MTX2: variants seen among roughly 807,000 people sequenced by gnomAD.
MTX2 encodes the protein metaxin 2.
Under a neutral mutation model 42.3 loss-of-function variants are expected in MTX2, and 35 were observed. That is an observed-to-expected ratio of 0.83 (90% CI 0.63 to 1.10). The LOEUF (loss-of-function observed/expected upper bound fraction) is 1.10, where lower values mean the gene tolerates loss of function less well. Among genes scored for constraint, MTX2 ranks in the 50% least tolerant of loss-of-function variants. The probability of loss-of-function intolerance (pLI) is 0.00; values close to 1 mark genes in which losing one functional copy is unlikely to be tolerated. For synonymous variants in MTX2, 119 were observed against 100.9 expected (o/e 1.18, Z -1.08); for missense variants, 307 against 304.1 (o/e 1.01, Z -0.07).
At chr2:176,298,844 A>C (rs1683955550) in intron 3 of MTX2, among the ~76,000 whole-genome samples, 1 of 152,106 alleles carries the variant, frequency 6.6e-6, no homozygotes, top group African/African-American at 2.4e-5. Flanking sequence ...ACCCTTTTAA[A>C]ATTGCTATTT....
chr2:176,326,137 G>C (rs1014600781), intron 4 of MTX2, among the ~76,000 whole-genome samples: 16 of 151,696 alleles, frequency 1.1e-4, no homozygotes, highest in African/African-American at 3.6e-4. Context: ...CCAAGTATTA[G>C]TATTTGTTAA....
chr2:176,289,042 G>T (rs914550936), intron 1 of MTX2, among the ~76,000 whole-genome samples: 1 of 151,848 alleles, frequency 6.6e-6, no homozygotes, highest in Non-Finnish European at 1.5e-5. Flanking sequence ...AGAGACTTAC[G>T]GGTATACTTA....
intron 3 of MTX2, among the ~76,000 whole-genome samples, chr2:176,303,479 T>A (rs1194692784): frequency 1.3e-5 from 2 of 152,112 alleles, no homozygotes; most frequent in Non-Finnish European, 1.5e-5. Flanking sequence ...TTCTTTGATA[T>A]CACTGAGTTT....
At position 176,320,458 on chromosome 2, in the gene MTX2, A is replaced by C. The variant is rs146813959; in HGVS notation, c.136-2934A>C. Reference sequence around the variant, plus strand: ...AGAAGATATATTAAACAGTTATTTCAAACTCTTTTTTGTTCTACTGAAGGC... The same window carrying C: ...AGAAGATATATTAAACAGTTATTTCCAACTCTTTTTTGTTCTACTGAAGGC... On this transcript the variant is annotated intron_variant, in intron 3 of 9. Coordinates refer to ENST00000249442, the MANE Select transcript of MTX2 (RefSeq NM_006554.5). Among the ~76,000 whole-genome samples, 265 of 152,248 alleles carry C rather than the reference A, an allele frequency of 1.7e-3. 2 individuals are homozygous for C. Among genetic ancestry groups the C allele is most frequent in the African/African-American group, 5.8e-3 (241 of 41,568 alleles).
At chr2:176,320,697 T>TC in intron 3 of MTX2, among the ~76,000 whole-genome samples, 1 of 34,400 alleles carries the variant, frequency 2.9e-5, no homozygotes, top group East Asian at 5.8e-4. Flanking sequence ...TACTTATTCT[T>TC]TTTTTTTTTT....
chr2:176,307,876 T>C (rs1684191624), intron 3 of MTX2, among the ~76,000 whole-genome samples: 1 of 152,272 alleles, frequency 6.6e-6, no homozygotes, highest in South Asian at 2.1e-4. Flanking sequence ...ATTTCTTAAT[T>C]GAATACCCTT....
At chr2:176,269,772 T>C (rs1014812064) in intron 1 of MTX2, 103 bp downstream of exon 1, 2 of 1,360,744 alleles carry the variant, frequency 1.5e-6, no homozygotes, top group Non-Finnish European at 2.0e-6. Flanking sequence ...CATTATACGC[T>C]GAACCCGGCC....
At chr2:176,305,905 A>G (rs893087954) in intron 3 of MTX2, among the ~76,000 whole-genome samples, 6 of 152,012 alleles carry the variant, frequency 3.9e-5, no homozygotes, top group African/African-American at 9.7e-5. Flanking sequence ...TCTGATTTCT[A>G]CATAGATCAT....
At chr2:176,272,708 A>G (rs1447096575) in intron 1 of MTX2, among the ~76,000 whole-genome samples, 2 of 152,190 alleles carry the variant, frequency 1.3e-5, no homozygotes, top group African/African-American at 4.8e-5. Context: ...CTATATAAAC[A>G]TACATATGTT....
intron 1 of MTX2, among the ~76,000 whole-genome samples, chr2:176,275,622 C>CT (rs1245543129): frequency 2.6e-5 from 4 of 151,986 alleles, no homozygotes; most frequent in Non-Finnish European, 4.4e-5. Flanking sequence ...TTTGTTTTCA[C>CT]TTTTTTTAAT....
At chr2:176,274,773 CACTTAGGAT>C (rs986859942) in intron 1 of MTX2, among the ~76,000 whole-genome samples, 16 of 152,268 alleles carry the variant, frequency 1.1e-4, no homozygotes, top group Admixed American at 1.0e-3. Flanking sequence ...AAAATCAGGC[CACTTAGGAT>C]ACTCTCCCTT....
chr2:176,270,324 C>T (rs1298587700), intron 1 of MTX2: 2 of 1,338,724 alleles, frequency 1.5e-6, no homozygotes, highest in South Asian at 1.2e-5. Flanking sequence ...GCGCCCGCCA[C>T]CACGCCCGCG....
At chr2:176,333,048 AG>A (rs996073759) in intron 9 of MTX2, among the ~76,000 whole-genome samples, 1 of 151,512 alleles carries the variant, frequency 6.6e-6, no homozygotes, top group African/African-American at 2.4e-5. Flanking sequence ...ATGAAAAAAT[AG>A]TAGATAACCA....
intron 1 of MTX2, among the ~76,000 whole-genome samples, chr2:176,273,467 C>G (rs1213735278): frequency 6.6e-6 from 1 of 152,066 alleles, no homozygotes; most frequent in Non-Finnish European, 1.5e-5. Flanking sequence ...GTTGAGAGCT[C>G]TAATTTTTAG....
chr2:176,314,047 C>CT (rs200155670), intron 3 of MTX2, among the ~76,000 whole-genome samples: 3,697 of 148,806 alleles, frequency 0.025, 129 homozygotes, highest in African/African-American at 0.083. Context: ...ATTGCTTCTT[C>CT]TTTTTTTTTT....
chr2:176,310,831 T>C (rs935647528), intron 3 of MTX2, among the ~76,000 whole-genome samples: 6 of 152,208 alleles, frequency 3.9e-5, no homozygotes, highest in Non-Finnish European at 7.3e-5. Context: ...GCTTCCTTGC[T>C]ATGGGTTTGA....
chr2:176,329,180 A>AT lies in MTX2; in HGVS notation c.418-114dup, dbSNP rs1156276666. 35 of 1,213,130 alleles carry AT rather than the reference A, an allele frequency of 2.9e-5. No homozygotes were observed. The South Asian group carries it at 4.8e-4, about 16-fold the overall frequency. The allele number at this position is 1,213,130 out of a possible 1,614,324, so 75.1% of individuals were successfully genotyped here. ...TAATTTTTTAGATTGCAGGATGTGT[A>AT]TTTTTTTCAGATTGCTCTATTTATG... is the stretch of plus-strand genomic sequence containing the variant. On this transcript the variant is annotated intron_variant, in intron 7 of 9. Coordinates refer to ENST00000249442, the MANE Select transcript of MTX2 (RefSeq NM_006554.5).
At chr2:176,330,090 T>C (rs1454276107) in intron 8 of MTX2, among the ~76,000 whole-genome samples, 2 of 151,034 alleles carry the variant, frequency 1.3e-5, no homozygotes, top group African/African-American at 4.8e-5. Flanking sequence ...AGTAAATGAA[T>C]AGGGATAGAA....
intron 1 of MTX2, among the ~76,000 whole-genome samples, chr2:176,278,300 C>G (rs1178776335): frequency 1.3e-5 from 2 of 151,976 alleles, no homozygotes; most frequent in Non-Finnish European, 2.9e-5. Flanking sequence ...ATCTGCCCGC[C>G]TCAGCCTCCC....
Sources: allele counts gnomAD v4.1 joint callset (sites outside exome capture counted in the v4.1 genomes callset), GRCh38; gene constraint gnomAD v4.1.1; transcripts MANE v1.5; gene names NCBI Gene and HGNC (gene_info 2026-07-23, HGNC 2026-07-21).